The following ADGRG5 variants were observed in gnomAD, a reference collection of about 807,000 sequenced individuals.
ADGRG5 encodes G protein-coupled receptor 114.
In ADGRG5, 37 loss-of-function variants were observed where a neutral mutation model predicts 53.2. The observed-to-expected ratio is 0.70, with a 90% confidence interval of 0.53 to 0.91. The LOEUF is 0.91. Ranked by LOEUF, ADGRG5 falls within the 40% of genes least tolerant of loss-of-function variation. The pLI, the probability that ADGRG5 is intolerant of heterozygous loss-of-function variation, is 0.00. For missense variants in ADGRG5, 614 were observed against 675.8 expected (o/e 0.91, Z 1.01); for synonymous variants, 277 against 290.4 (o/e 0.95, Z 0.47).
chr16:57,554,990 TG>T (rs2032849471), intron 1 of ADGRG5, among the ~76,000 whole-genome samples: 1 of 152,202 alleles, frequency 6.6e-6, no homozygotes, highest in South Asian at 2.1e-4. Context: ...GGCCTCTTTA[TG>T]TTTTTTAATT....
chr16:57,561,085 C>A (rs1197094500), intron 1 of ADGRG5, among the ~76,000 whole-genome samples: 1 of 152,192 alleles, frequency 6.6e-6, no homozygotes, highest in Non-Finnish European at 1.5e-5. Context: ...GGCCAACAAT[C>A]GCTGTTTTTA....
chr16:57,563,153 T>A lies in ADGRG5; in HGVS notation c.203T>A (p.Leu68Ter). The change falls in exon 4 of 12, where the codon TTG (leucine) becomes TAG (stop). Residue 68 changes from leucine (L) to a stop codon, truncating the protein, a stop_gained. Coordinates refer to ENST00000349457, the MANE Select transcript of ADGRG5 (RefSeq NM_001304376.3). LOFTEE classifies it high-confidence loss of function. ...AGCTTCCCAGGCTACAACCTGACCT[T>A]GCAGACACCCACCATCCAGTCTCTG... is the stretch of plus-strand genomic sequence containing the variant. The part of the protein sequence containing the change: ...NTSFPGYNLT[L>*]QTPTIQSLAF... 1 of 1,614,126 alleles carries A rather than the reference T, an allele frequency of 6.2e-7. No individual in the cohort carries two copies.
intron 9 of ADGRG5, among the ~76,000 whole-genome samples, chr16:57,569,758 A>G (rs564990340): frequency 1.5e-4 from 23 of 149,352 alleles, no homozygotes; most frequent in South Asian, 6.4e-4. Flanking sequence ...TGTCATCACC[A>G]TCGTCACCTC....
At position 57,570,547 on chromosome 16, in the gene ADGRG5, C is replaced by G; in HGVS notation, c.1208+12C>G. On this transcript the variant is annotated intron_variant, in intron 10 of 11. Transcript: ENST00000349457. Reference sequence around the variant, plus strand: ...CAGAACATGTCCATGTGAGTGCCCTCAGGGCTGCAGTGGGCTCCCTGGCTC... The same window carrying G: ...CAGAACATGTCCATGTGAGTGCCCTGAGGGCTGCAGTGGGCTCCCTGGCTC... 1 of 1,585,760 alleles carries G rather than the reference C, an allele frequency of 6.3e-7. No individual in the cohort carries two copies. The highest frequency in any genetic ancestry group is 1.7e-5 in the Admixed American group (1 of 59,974).
At chr16:57,542,232 T>C (rs189337730), upstream of ADGRG5, among the ~76,000 whole-genome samples, 61 of 152,354 alleles carry the variant, frequency 4.0e-4, no homozygotes, top group Non-Finnish European at 7.1e-4. Flanking sequence ...GTCTTTGCCA[T>C]CATCAATATG....
chr16:57,574,908 G>A lies in ADGRG5; in HGVS notation c.1302G>A (p.Ala434=), dbSNP rs754357038. 2.9e-5 allele frequency: 47 copies of A among 1,612,724 alleles called. No homozygotes were observed. Among genetic ancestry groups the A allele is most frequent in the East Asian group, 1.3e-4 (6 of 44,874 alleles). The change falls in exon 11 of 12, where the codon GCG becomes GCA. Residue 434 remains alanine, a synonymous_variant. Coordinates refer to ENST00000349457, the MANE Select transcript of ADGRG5 (RefSeq NM_001304376.3). This position sits in a 1 kb window ranked among gnomAD's most constrained non-coding sequence, Gnocchi z 4.4. ...TCAACCTGGTGGTGCTGGCCTGGGC[G>A]CTGTGGACCCTGCGCAGGCTGCGGG... The part of the protein sequence containing the change: ...SLFNLVVLAW[A]LWTLRRLRER...
In ADGRG5 at chr16:57,575,998, C is replaced by CACA; in HGVS notation, c.*461_*462insCAA. ...TGCATAAGACCAGGGGGAAGAGTGT[C>CACA]AGCGTGGGGTGGGAATTCCCGCGGC... On this transcript the variant is annotated 3_prime_UTR_variant, in exon 12 of 12. Transcript: ENST00000349457. 6.4e-6 allele frequency: 1 copy of CACA among 156,824 alleles called. No individual in the cohort carries two copies. The allele number at this position is 156,824 out of a possible 1,614,324, so 9.7% of individuals were successfully genotyped here.
chr16:57,554,665 C>T lies in ADGRG5; in HGVS notation c.-38-7391C>T, dbSNP rs538341028. Among the ~76,000 whole-genome samples, 5 of 152,274 alleles carry T rather than the reference C, an allele frequency of 3.3e-5. No homozygotes were observed. In the East Asian group the frequency reaches 9.6e-4, roughly 29 times the overall value. ...TGCTGGGATTACAGGTGTGAGCCAC[C>T]ACGCTCGGCCATAATTTTATCTTTA... On this transcript the variant is annotated intron_variant, in intron 1 of 11. Coordinates refer to ENST00000349457, the MANE Select transcript of ADGRG5 (RefSeq NM_001304376.3).
the ADGRG5 span, chr16:57,529,196 C>A: frequency 8.5e-7 from 1 of 1,175,164 alleles, no homozygotes; most frequent in Non-Finnish European, 1.1e-6. The surrounding 1 kb of genome is among the most constrained non-coding windows in gnomAD (Gnocchi z 4.1). Flanking sequence ...CGGGCGGGCC[C>A]TGAGCTCGAA....
At chr16:57,540,200 G>A (rs534041362), upstream of ADGRG5, among the ~76,000 whole-genome samples, 4 of 152,246 alleles carry the variant, frequency 2.6e-5, no homozygotes, top group South Asian at 4.1e-4. Context: ...CCGAGATTGC[G>A]CCACTGCACT....
intron 1 of ADGRG5, among the ~76,000 whole-genome samples, chr16:57,548,176 C>CT (rs57571395): frequency 0.087 from 12,384 of 141,714 alleles, 567 homozygotes; most frequent in East Asian, 0.18. Flanking sequence ...CTATACACAT[C>CT]TTTTTTTTTT....
At chr16:57,568,341 T>C (rs2033205175) in intron 9 of ADGRG5, among the ~76,000 whole-genome samples, 1 of 144,916 alleles carries the variant, frequency 6.9e-6, no homozygotes, top group African/African-American at 2.6e-5. Context: ...CCACCACCAT[T>C]ATCACCTCCT....
the ADGRG5 span, chr16:57,529,241 C>T: frequency 8.8e-7 from 1 of 1,130,016 alleles, no homozygotes; most frequent in Non-Finnish European, 1.1e-6. This position sits in a 1 kb window ranked among gnomAD's most constrained non-coding sequence, Gnocchi z 4.1. Flanking sequence ...TCCGGGGACG[C>T]GCGGCGGGCG....
the ADGRG5 span, chr16:57,529,299 AC>A: frequency 8.9e-7 from 1 of 1,117,336 alleles, no homozygotes; most frequent in Non-Finnish European, 1.1e-6. This position sits in a 1 kb window ranked among gnomAD's most constrained non-coding sequence, Gnocchi z 4.1. Flanking sequence ...CCTCTGGGCC[AC>A]CGGGCGGAGG....
At chr16:57,563,318 G>A in intron 4 of ADGRG5, 71 bp downstream of exon 4, 1 of 1,403,408 alleles carries the variant, frequency 7.1e-7, no homozygotes, top group South Asian at 1.2e-5. Context: ...TTTAAGGTCT[G>A]GACTTTCTTT....
At position 57,562,072 on chromosome 16, in the gene ADGRG5, T is replaced by C. The variant is rs755364677; in HGVS notation, c.-22T>C. ...CTTTTTCAGGGCCGGAGCCAGTTCT[T>C]GGAGGAGACTCTGCACAGGGCATGG... On this transcript the variant is annotated 5_prime_UTR_variant, in exon 2 of 12. Transcript: ENST00000349457. 8 of 1,532,634 alleles carry C rather than the reference T, an allele frequency of 5.2e-6. No individual in the cohort carries two copies. Among genetic ancestry groups the C allele is most frequent in the Non-Finnish European group, 6.2e-6 (7 of 1,137,060 alleles). 94.9% of individuals were successfully genotyped at this position (1,532,634 alleles called of 1,614,324 possible). A position where few individuals can be genotyped will look rare whatever the true frequency, so the allele number is the denominator to read the frequency against.
At chr16:57,534,840 C>T in the ADGRG5 span, among the ~76,000 whole-genome samples, 13 of 152,162 alleles carry the variant, frequency 8.5e-5, no homozygotes, top group Non-Finnish European at 1.6e-4. Context: ...ACGGCCAAGT[C>T]GGCTGTCCCA....
At chr16:57,575,367 T>A in intron 11 of ADGRG5, 71 bp from the exon 12 acceptor site, 1 of 1,439,462 alleles carries the variant, frequency 6.9e-7, no homozygotes, top group Non-Finnish European at 9.7e-7. Context: ...GCCAGCTCGC[T>A]GCAGCCAAGG....
At chr16:57,545,968 G>T (rs2032608387) in intron 1 of ADGRG5, among the ~76,000 whole-genome samples, 1 of 152,130 alleles carries the variant, frequency 6.6e-6, no homozygotes. Context: ...TGGGATTACA[G>T]GCACGCTCCA....
Sources: allele counts gnomAD v4.1 joint callset (sites outside exome capture counted in the v4.1 genomes callset), GRCh38; gene constraint gnomAD v4.1.1; non-coding constraint Gnocchi (gnomAD v3.1); transcripts MANE v1.5; gene names NCBI Gene and HGNC (gene_info 2026-07-23, HGNC 2026-07-21).